Variants in RBFOX1 observed in about 807,000 individuals in gnomAD.
RBFOX1 encodes RNA binding fox-1 homolog 1.
In RBFOX1, 8 loss-of-function variants were observed where a neutral mutation model predicts 57.7. The observed-to-expected ratio is 0.14, with a 90% CI of 0.08 to 0.25. The LOEUF is 0.25. RBFOX1 is among the 10% of genes least tolerant of loss of function. The probability of loss-of-function intolerance (pLI) is 1.00; values close to 1 mark genes in which losing one functional copy is unlikely to be tolerated. For synonymous variants in RBFOX1, 326 were observed against 222.4 expected, an observed-to-expected ratio of 1.47 and a Z score of -4.15; for missense variants, 611 against 548.5, an observed-to-expected ratio of 1.11 and a Z score of -1.14.
At chr16:7,460,376 T>TATATATATATATAC (rs1241692590) in intron 4 of RBFOX1, among the ~76,000 whole-genome samples, 2 of 83,658 alleles carry the variant, frequency 2.4e-5, no homozygotes, top group Non-Finnish European at 4.0e-5. Flanking sequence ...GCAAAATATA[T>TATATATATATATAC]ATATATATAT....
intron 3 of RBFOX1, among the ~76,000 whole-genome samples, chr16:6,920,945 G>C (rs1049704566): frequency 7.9e-5 from 12 of 152,168 alleles, no homozygotes; most frequent in African/African-American, 2.9e-4. Flanking sequence ...TATCTGGCTA[G>C]TCTGTAATGA....
intron 3 of RBFOX1, among the ~76,000 whole-genome samples, chr16:6,914,907 A>G (rs2072724022): frequency 6.6e-6 from 1 of 152,214 alleles, no homozygotes; most frequent in African/African-American, 2.4e-5. Context: ...ACAGATGGAT[A>G]GGTTTGAGAC....
upstream of RBFOX1, among the ~76,000 whole-genome samples, chr16:6,014,077 C>T (rs532061233): frequency 6.0e-4 from 91 of 151,956 alleles, no homozygotes; most frequent in African/African-American, 2.1e-3. Context: ...CAAACCTGCA[C>T]GTTGTGCACA....
chr16:7,542,372 C>T (rs2083181570), intron 5 of RBFOX1, among the ~76,000 whole-genome samples: 1 of 152,118 alleles, frequency 6.6e-6, no homozygotes, highest in African/African-American at 2.4e-5. Context: ...TGACTTTCCA[C>T]CCCACCTCTT....
intron 3 of RBFOX1, among the ~76,000 whole-genome samples, chr16:6,927,327 C>T (rs954703995): frequency 1.4e-5 from 2 of 144,480 alleles, no homozygotes; most frequent in African/African-American, 2.6e-5. Context: ...GCACGAGAAT[C>T]GCTGGAACCC....
intron 4 of RBFOX1, among the ~76,000 whole-genome samples, chr16:7,514,522 G>T (rs1350295500): frequency 6.6e-6 from 1 of 152,190 alleles, no homozygotes; most frequent in African/African-American, 2.4e-5. Context: ...GCTTGGTGCT[G>T]TGTGAGCTGT....
chr16:6,498,658 C>T (rs780771037), intron 2 of RBFOX1, among the ~76,000 whole-genome samples: 24 of 152,086 alleles, frequency 1.6e-4, no homozygotes, highest in Non-Finnish European at 2.5e-4. Context: ...TTAAGGACTT[C>T]GATAAGGGTT....
intron 2 of RBFOX1, among the ~76,000 whole-genome samples, chr16:5,578,061 C>T (rs1167970021): frequency 6.6e-6 from 1 of 152,220 alleles, no homozygotes; most frequent in South Asian, 2.1e-4. Context: ...AAGCGGTTCT[C>T]CTGCCTCATC....
At chr16:6,864,347 A>T (rs576504196) in intron 3 of RBFOX1, among the ~76,000 whole-genome samples, 1 of 152,280 alleles carries the variant, frequency 6.6e-6, no homozygotes, top group South Asian at 2.1e-4. Flanking sequence ...CATTTGAAAA[A>T]CAATAATAAT....
chr16:6,405,597 G>A (rs1349527754), intron 2 of RBFOX1, among the ~76,000 whole-genome samples: 8 of 152,146 alleles, frequency 5.3e-5, no homozygotes, highest in Admixed American at 5.2e-4. Context: ...ACCTAACAAG[G>A]TGGAATGAGA....
intron 3 of RBFOX1, among the ~76,000 whole-genome samples, chr16:6,814,256 G>T (rs2089528283): frequency 7.6e-6 from 1 of 131,182 alleles, no homozygotes; most frequent in Non-Finnish European, 1.6e-5. Flanking sequence ...GTGGTGGGGG[G>T]GAGGGAGGAG....
intron 2 of RBFOX1, among the ~76,000 whole-genome samples, chr16:6,459,751 C>T (rs146213915): frequency 7.9e-5 from 12 of 151,724 alleles, no homozygotes; most frequent in East Asian, 7.8e-4. Context: ...CTGAGGTGGG[C>T]GGATCACCTG....
chr16:7,218,636 G>C (rs761762707), intron 4 of RBFOX1, among the ~76,000 whole-genome samples: 4,495 of 123,868 alleles, frequency 0.036, 126 homozygotes, highest in South Asian at 0.079. Flanking sequence ...TGCTGTGTGT[G>C]TGTGTGTGTG....
chr16:5,761,406 G>A (rs765154943), intron 3 of RBFOX1, among the ~76,000 whole-genome samples: 63 of 152,146 alleles, frequency 4.1e-4, no homozygotes, highest in Non-Finnish European at 3.1e-4. Context: ...CTTTGTATTA[G>A]CTGTTCTCTT....
intron 3 of RBFOX1, among the ~76,000 whole-genome samples, chr16:6,732,180 A>G (rs2068785748): frequency 6.6e-6 from 1 of 152,034 alleles, no homozygotes; most frequent in Admixed American, 6.6e-5. Context: ...CTTTCCAAAG[A>G]TTGACTTTCC....
At chr16:6,701,209 T>A (rs1398660450) in intron 3 of RBFOX1, among the ~76,000 whole-genome samples, 1 of 152,046 alleles carries the variant, frequency 6.6e-6, no homozygotes, top group Non-Finnish European at 1.5e-5. Context: ...CTCTCAGTCA[T>A]TGGATGCAAG....
intron 3 of RBFOX1, among the ~76,000 whole-genome samples, chr16:5,766,137 C>T (rs942423792): frequency 6.6e-6 from 1 of 152,120 alleles, no homozygotes; most frequent in East Asian, 1.9e-4. Flanking sequence ...AGGCTGAATG[C>T]CATCATAGAT....
At chr16:7,047,656 A>G (rs978443724) in intron 3 of RBFOX1, among the ~76,000 whole-genome samples, 7 of 141,176 alleles carry the variant, frequency 5.0e-5, no homozygotes, top group African/African-American at 7.8e-5. Flanking sequence ...CTTATATTCT[A>G]GAATTTCAGT....
At chr16:7,412,282 G>C (rs1387149419) in intron 4 of RBFOX1, among the ~76,000 whole-genome samples, 1 of 151,964 alleles carries the variant, frequency 6.6e-6, no homozygotes, top group African/African-American at 2.4e-5. Context: ...AGGCGTGGTG[G>C]CGTGTGCCTG....
Sources: gnomAD v4.1 joint callset for allele counts (sites outside exome capture counted in the v4.1 genomes callset) on GRCh38, gnomAD v4.1.1 for gene constraint, MANE v1.5 for transcripts, NCBI Gene and HGNC (gene_info 2026-07-23, HGNC 2026-07-21) for gene names.